Variants in FSTL4 observed in about 807,000 individuals in gnomAD.
The protein encoded by FSTL4 is follistatin like 4.
FSTL4 carries 28 observed loss-of-function variants against 78.2 expected under a neutral mutation model. The observed-to-expected ratio is 0.36, with a 90% CI of 0.27 to 0.49. FSTL4 has a LOEUF of 0.49. Ranked by LOEUF, FSTL4 falls within the 20% of genes least tolerant of loss-of-function variation. The pLI, the probability that FSTL4 is intolerant of heterozygous loss-of-function variation, is 0.98. For missense variants in FSTL4, 922 were observed against 1,084.9 expected (o/e 0.85, Z 2.11); for synonymous variants, 422 against 440.5 (o/e 0.96, Z 0.53).
intron 4 of FSTL4, among the ~76,000 whole-genome samples, chr5:133,353,424 C>G (rs1025686477): frequency 1.3e-5 from 2 of 152,206 alleles, no homozygotes; most frequent in African/African-American, 4.8e-5. Context: ...GCTCCCCGGT[C>G]TGAAGGGGCG....
intron 14 of FSTL4, among the ~76,000 whole-genome samples, chr5:133,203,904 C>G (rs1242892619): frequency 1.3e-5 from 2 of 152,252 alleles, no homozygotes; most frequent in East Asian, 3.8e-4. Context: ...CCTCGTTTCT[C>G]TGAGTCACGA....
chr5:133,625,020 C>T, the FSTL4 span, among the ~76,000 whole-genome samples: 1 of 151,474 alleles, frequency 6.6e-6, no homozygotes, highest in Non-Finnish European at 1.5e-5. Flanking sequence ...GTTGTATTCT[C>T]TGCTAATATT....
the FSTL4 span, among the ~76,000 whole-genome samples, chr5:133,755,599 C>A: frequency 0.2 from 30,562 of 152,148 alleles, 3,348 homozygotes; most frequent in East Asian, 0.41. Flanking sequence ...AATGTGCACT[C>A]CCCTTTTTCT....
chr5:133,731,975 C>T, the FSTL4 span, among the ~76,000 whole-genome samples: 959 of 152,302 alleles, frequency 6.3e-3, 20 homozygotes, highest in Admixed American at 0.041. Flanking sequence ...AGGTCCAGCT[C>T]AGGCATCATC....
At chr5:133,710,791 G>C in the FSTL4 span, among the ~76,000 whole-genome samples, 1 of 152,216 alleles carries the variant, frequency 6.6e-6, no homozygotes, top group Non-Finnish European at 1.5e-5. Context: ...AGCATCTGTG[G>C]GTTGGGAGAT....
chr5:133,613,936 C>A (rs1049930016), upstream of FSTL4, among the ~76,000 whole-genome samples: 1 of 152,194 alleles, frequency 6.6e-6, no homozygotes. Flanking sequence ...CATGACTGAA[C>A]TTCTGGGGCT....
intron 3 of FSTL4, among the ~76,000 whole-genome samples, chr5:133,523,182 G>A (rs190508709): frequency 1.3e-5 from 2 of 152,322 alleles, no homozygotes; most frequent in African/African-American, 2.4e-5. Context: ...GAAAGGCCAT[G>A]TGAGGACACA....
intron 11 of FSTL4, among the ~76,000 whole-genome samples, chr5:133,223,622 A>G (rs748939667): frequency 6.6e-6 from 1 of 152,232 alleles, no homozygotes; most frequent in Non-Finnish European, 1.5e-5. Flanking sequence ...TTTCAGCCAT[A>G]TGAAATTGTC....
the FSTL4 span, among the ~76,000 whole-genome samples, chr5:133,657,425 T>G: frequency 5.6e-4 from 86 of 152,302 alleles, no homozygotes; most frequent in Non-Finnish European, 1.1e-3. Flanking sequence ...CAGGGACTTC[T>G]TTTCTTCTTT....
the FSTL4 span, among the ~76,000 whole-genome samples, chr5:133,729,543 T>A: frequency 2.6e-5 from 4 of 152,050 alleles, no homozygotes; most frequent in Non-Finnish European, 5.9e-5. Context: ...ACACCTAACA[T>A]TGTATTACCA....
the FSTL4 span, among the ~76,000 whole-genome samples, chr5:133,702,184 C>T: frequency 8.5e-5 from 13 of 152,352 alleles, no homozygotes; most frequent in South Asian, 4.1e-4. Flanking sequence ...AATTCTATTT[C>T]AATTCAATTA....
At chr5:133,833,652 AT>A in the FSTL4 span, among the ~76,000 whole-genome samples, 41 of 152,202 alleles carry the variant, frequency 2.7e-4, no homozygotes, top group Non-Finnish European at 5.6e-4. Context: ...GATGAGTAGG[AT>A]TCCAGACAGA....
chr5:133,711,171 C>A, the FSTL4 span, among the ~76,000 whole-genome samples: 2 of 152,180 alleles, frequency 1.3e-5, no homozygotes, highest in Non-Finnish European at 2.9e-5. Context: ...AGAGCTCTGT[C>A]TCTGGAGGAA....
At chr5:133,827,838 C>A in the FSTL4 span, among the ~76,000 whole-genome samples, 1 of 151,938 alleles carries the variant, frequency 6.6e-6, no homozygotes, top group Non-Finnish European at 1.5e-5. Flanking sequence ...GGCATGGGCA[C>A]AACTGGGGGT....
At chr5:133,590,954 G>A (rs1760611918) in intron 2 of FSTL4, among the ~76,000 whole-genome samples, 2 of 152,158 alleles carry the variant, frequency 1.3e-5, no homozygotes, top group African/African-American at 4.8e-5. Flanking sequence ...TCCTGAGGAT[G>A]GAGCATGGAG....
intron 2 of FSTL4, chr5:133,583,228 C>A (rs1435584998): frequency 2.2e-6 from 1 of 455,832 alleles, no homozygotes; most frequent in Non-Finnish European, 4.4e-6. Flanking sequence ...GTTGGTATCA[C>A]AGTAACCAAC....
the FSTL4 span, among the ~76,000 whole-genome samples, chr5:133,775,880 A>G: frequency 2.0e-5 from 3 of 152,312 alleles, no homozygotes; most frequent in East Asian, 5.8e-4. Flanking sequence ...GTGAAGGGAA[A>G]TGCTCCCAGT....
intron 3 of FSTL4, among the ~76,000 whole-genome samples, chr5:133,467,142 A>C (rs531542984): frequency 6.7e-6 from 1 of 149,396 alleles, no homozygotes; most frequent in Non-Finnish European, 1.5e-5. Context: ...GTGTGTGTAT[A>C]TGTGTATGTG....
At chr5:133,734,155 TC>T in the FSTL4 span, among the ~76,000 whole-genome samples, 1 of 152,184 alleles carries the variant, frequency 6.6e-6, no homozygotes, top group African/African-American at 2.4e-5. Flanking sequence ...GGAGTCTCCA[TC>T]CTCTGAAGGA....
Sources: allele counts gnomAD v4.1 joint callset (sites outside exome capture counted in the v4.1 genomes callset), GRCh38; gene constraint gnomAD v4.1.1; transcripts MANE v1.5; gene names NCBI Gene and HGNC (gene_info 2026-07-23, HGNC 2026-07-21).